The following C2CD3 variants were observed in gnomAD, a reference collection of about 807,000 sequenced individuals.
C2CD3 encodes C2 domain containing 3 centriole elongation regulator, also known as C2 domain-containing protein 3.
In C2CD3, 148 loss-of-function variants were observed where a neutral mutation model predicts 234.0. The observed-to-expected ratio is 0.63, with a 90% CI of 0.55 to 0.72. The LOEUF (loss-of-function observed/expected upper bound fraction) is 0.72, where lower values mean the gene tolerates loss of function less well. Ranked by LOEUF, C2CD3 falls within the 30% of genes least tolerant of loss-of-function variation. The probability of loss-of-function intolerance (pLI) is 0.00; values close to 1 mark genes in which losing one functional copy is unlikely to be tolerated. For missense variants in C2CD3, 2,577 were observed against 2,811.5 expected (o/e 0.92, Z 1.89); for synonymous variants, 1,000 against 1,035.4 (o/e 0.97, Z 0.66).
chr11:74,129,897 C>T (rs1051968195), intron 7 of C2CD3: 1 of 157,202 alleles, frequency 6.4e-6, no homozygotes, highest in Admixed American at 6.5e-5. Flanking sequence ...CACAGAGAAA[C>T]CCCATCTCCA....
Position 74,085,789 on chromosome 11 carries a change from G to C in C2CD3, c.3739C>G (p.Gln1247Glu), listed in dbSNP as rs1195627063. 1.2e-6 allele frequency: 2 copies of C among 1,614,050 alleles called. No homozygotes were observed. Among genetic ancestry groups the C allele is most frequent in the African/African-American group, 2.7e-5 (2 of 74,926 alleles). Residue 1247 changes from glutamine (Q) to glutamate (E), a missense_variant, in exon 21 of 33, where the codon CAG (glutamine) becomes GAG (glutamate). Physicochemically the swap from Gln to Glu is conservative, Grantham distance 29. Transcript: ENST00000334126. ...THLSFLPQGE[Q>E]RRTHPVACSF... is the part of the protein sequence containing the mutation. Reference sequence around the variant, plus strand: ...CAGGCCACAGGGTGGGTTCGGCGCTGTTCTCCCTGGGGCAGGAAGGAGAGA... The same window carrying C: ...CAGGCCACAGGGTGGGTTCGGCGCTCTTCTCCCTGGGGCAGGAAGGAGAGA...
intron 7 of C2CD3, chr11:74,130,087 GGGGAGAGGGAGA>G (rs538343799): frequency 1.4e-5 from 2 of 147,802 alleles, no homozygotes; most frequent in African/African-American, 2.5e-5. Context: ...CGGAGACCGT[GGGGAGAGGGAGA>G]GGGAGAGGGA....
At chr11:74,112,659 A>G (rs776378033) in intron 11 of C2CD3, among the ~76,000 whole-genome samples, 2 of 152,254 alleles carry the variant, frequency 1.3e-5, no homozygotes, top group Non-Finnish European at 2.9e-5. Flanking sequence ...ACATTTCTCC[A>G]AAGAAGATCT....
chr11:74,149,907 C>G (rs1198060402), intron 3 of C2CD3, among the ~76,000 whole-genome samples: 1 of 152,102 alleles, frequency 6.6e-6, no homozygotes, highest in African/African-American at 2.4e-5. Flanking sequence ...CCTAGAGAGA[C>G]AGAATTCTAG....
chr11:74,034,326 C>T lies in C2CD3; in HGVS notation c.5882-48G>A, dbSNP rs1204924810. 9 of 1,494,862 alleles carry T rather than the reference C, an allele frequency of 6.0e-6. No homozygotes were observed. In the East Asian group the frequency reaches 2.0e-4, roughly 33 times the overall value. 92.6% of individuals were successfully genotyped at this position (1,494,862 alleles called of 1,614,324 possible). A position where few individuals can be genotyped will look rare whatever the true frequency, so the allele number is the denominator to read the frequency against. On this transcript the variant is annotated intron_variant, in intron 30 of 32. Coordinates refer to ENST00000334126, the MANE Select transcript of C2CD3 (RefSeq NM_001286577.2). ...CTTATTACAAGGTAGGGCCACAGAC[C>T]CCTCAAATTTCCCACACTAGCCTTT... is the stretch of plus-strand genomic sequence containing the variant.
rs1482717429 is a variant in C2CD3, at chr11:74,098,124, G to T, written c.2864C>A (p.Ser955Tyr). 1.9e-6 allele frequency: 3 copies of T among 1,613,900 alleles called. No individual in the cohort carries two copies. The African/African-American group carries it at 4.0e-5, about 22-fold the overall frequency. ...GSLRVFLAMGSSNQIMALQRL... is the reference protein window; with the variant it reads ...GSLRVFLAMGYSNQIMALQRL... The stretch of plus-strand genomic sequence containing the variant: ...TTGTAGTGCCATTATTTGATTTGAA[G>T]AACCCATAGCTAAAAAGACTCGAAG... The change falls in exon 16 of 33, where the codon TCT (serine) becomes TAT (tyrosine). Residue 955 changes from serine to tyrosine, a missense_variant. Transcript: ENST00000334126.
chr11:74,023,237 C>T (rs1952159836), intron 32 of C2CD3, among the ~76,000 whole-genome samples: 1 of 152,238 alleles, frequency 6.6e-6, no homozygotes, highest in South Asian at 2.1e-4. Context: ...TACGAGCCCT[C>T]TCCTGTTTCA....
At chr11:74,084,114 T>C (rs1347804743) in intron 22 of C2CD3, among the ~76,000 whole-genome samples, 4 of 152,060 alleles carry the variant, frequency 2.6e-5, no homozygotes, top group African/African-American at 7.2e-5. Context: ...TATGCAGCCA[T>C]AGAAAGGGAT....
intron 9 of C2CD3, among the ~76,000 whole-genome samples, chr11:74,116,480 T>C (rs1039750649): frequency 2.0e-5 from 3 of 148,768 alleles, no homozygotes; most frequent in Non-Finnish European, 4.5e-5. Context: ...AAAAAAAGAA[T>C]GTTGGTGAGG....
intron 32 of C2CD3, among the ~76,000 whole-genome samples, chr11:74,015,256 C>T (rs1414174651): frequency 6.6e-6 from 1 of 152,190 alleles, no homozygotes; most frequent in African/African-American, 2.4e-5. Context: ...TGGGACCAGG[C>T]CAGGGTAACC....
Position 74,098,248 on chromosome 11 carries a change from T to C in C2CD3, c.2740A>G (p.Lys914Glu). Residue 914 changes from lysine (K) to glutamate (E), a missense_variant, in exon 16 of 33, where the codon AAG (lysine) becomes GAG (glutamate). Coordinates refer to ENST00000334126, the MANE Select transcript of C2CD3 (RefSeq NM_001286577.2). ...GCATCCAGCAGCAGGCGAGAAATCT[T>C]AGCATCTCTAGAGGGGGAGAAATTG... Reference protein sequence around the residue: ...HQFYMSFKDAKISRLLLDAQY... With the variant: ...HQFYMSFKDAEISRLLLDAQY... 2 of 1,614,026 alleles carry C rather than the reference T, an allele frequency of 1.2e-6. No homozygotes were observed. The highest frequency in any genetic ancestry group is 1.7e-6 in the Non-Finnish European group (2 of 1,179,924).
chr11:74,109,666 T>C (rs2135504538), intron 11 of C2CD3, among the ~76,000 whole-genome samples: 1 of 152,324 alleles, frequency 6.6e-6, no homozygotes, highest in Middle Eastern at 3.4e-3. Flanking sequence ...CAAAGGAGTC[T>C]ATCTCTTGGG....
At chr11:74,134,466 T>C (rs993218005) in intron 5 of C2CD3, among the ~76,000 whole-genome samples, 2 of 152,178 alleles carry the variant, frequency 1.3e-5, no homozygotes, top group Admixed American at 6.5e-5. Context: ...TAGTGTGCTA[T>C]AACCACACTT....
intron 32 of C2CD3, among the ~76,000 whole-genome samples, chr11:74,017,098 G>A (rs139183619): frequency 6.6e-5 from 10 of 152,322 alleles, no homozygotes; most frequent in Middle Eastern, 3.4e-3. Flanking sequence ...GATAGGCTGA[G>A]CTGCAGGTAT....
chr11:74,098,114 T>A lies in C2CD3; in HGVS notation c.2874A>T (p.Gln958His). 1 of 1,614,126 alleles carries A rather than the reference T, an allele frequency of 6.2e-7. No homozygotes were observed. The highest frequency in any genetic ancestry group is 8.5e-7 in the Non-Finnish European group (1 of 1,179,994). Residue 958 changes from glutamine (Q) to histidine (H), a missense_variant, in exon 16 of 33, where the codon CAA (glutamine) becomes CAT (histidine). By Grantham distance (24) the Gln-to-His change is conservative. Coordinates refer to ENST00000334126, the MANE Select transcript of C2CD3 (RefSeq NM_001286577.2). ...TCTTTAATCTTTGTAGTGCCATTAT[T>A]TGATTTGAAGAACCCATAGCTAAAA... ...RVFLAMGSSN[Q>H]IMALQRLKNE...
chr11:74,084,261 C>A (rs113331585), intron 22 of C2CD3, among the ~76,000 whole-genome samples: 5 of 151,856 alleles, frequency 3.3e-5, no homozygotes, highest in Admixed American at 6.6e-5. Flanking sequence ...CTTGGACACA[C>A]GGCGGGGAAC....
At chr11:74,072,621 C>T (rs1302834845) in intron 24 of C2CD3, among the ~76,000 whole-genome samples, 1 of 152,090 alleles carries the variant, frequency 6.6e-6, no homozygotes, top group Non-Finnish European at 1.5e-5. Context: ...CTCAAAGTCA[C>T]ACATATGTAC....
intron 16 of C2CD3, among the ~76,000 whole-genome samples, chr11:74,096,190 C>T (rs1394214845): frequency 2.6e-5 from 4 of 152,170 alleles, no homozygotes; most frequent in Admixed American, 2.0e-4. Context: ...CAGGTTTAGA[C>T]TCAACGTAGT....
At position 74,088,534 on chromosome 11, in the gene C2CD3, T is replaced by G. The variant is rs999435416; in HGVS notation, c.3641+2279A>C. On this transcript the variant is annotated intron_variant, in intron 20 of 32. Coordinates refer to ENST00000334126, the MANE Select transcript of C2CD3 (RefSeq NM_001286577.2). Reference sequence around the variant, plus strand: ...ATATGACACAGACCAAATGGGAGATTTAGAACAAACTGCCTGTCATCCAAT... The same window carrying G: ...ATATGACACAGACCAAATGGGAGATGTAGAACAAACTGCCTGTCATCCAAT... Among the ~76,000 whole-genome samples the G allele has an allele frequency of 1.2e-4, 18 of 152,210 alleles. 2 individuals are homozygous for G. Among genetic ancestry groups the G allele is most frequent in the Admixed American group, 1.1e-3 (17 of 15,272 alleles).
Sources: gnomAD v4.1 joint callset for allele counts (sites outside exome capture counted in the v4.1 genomes callset) on GRCh38, gnomAD v4.1.1 for gene constraint, MANE v1.5 for transcripts, NCBI Gene and HGNC (gene_info 2026-07-23, HGNC 2026-07-21) for gene names.